The following JAKMIP3 variants were observed in gnomAD, a reference collection of about 807,000 sequenced individuals.
JAKMIP3 encodes Janus kinase and microtubule interacting protein 3, also known as janus kinase and microtubule-interacting protein 3.
In JAKMIP3, 58 loss-of-function variants were observed where a neutral mutation model predicts 118.5. The observed-to-expected ratio is 0.49, with a 90% confidence interval of 0.40 to 0.61. The LOEUF is 0.61. JAKMIP3 is among the 20% of genes least tolerant of loss of function. The pLI is 0.00. For synonymous variants in JAKMIP3, 486 were observed against 451.2 expected, an observed-to-expected ratio of 1.08 and a Z score of -0.98; for missense variants, 950 against 1,109.0, an observed-to-expected ratio of 0.86 and a Z score of 2.04.
In JAKMIP3 at chr10:132,135,927, C is replaced by T; in HGVS notation, c.970-3C>T. The stretch of plus-strand genomic sequence containing the variant: ...AACAATCACATAGTGCGTTGTCTTT[C>T]AGTTGAAGCGCGTAAGAGAAGCTGA... On this transcript the variant is annotated splice_polypyrimidine_tract_variant and splice_region_variant and intron_variant, in intron 5 of 23. Transcript: ENST00000684848. 1 of 1,610,570 alleles carries T rather than the reference C, an allele frequency of 6.2e-7. No individual in the cohort carries two copies. Among genetic ancestry groups the T allele is most frequent in the Non-Finnish European group, 8.5e-7 (1 of 1,178,756 alleles).
chr10:132,069,253 G>A (rs2039430805), intron 1 of JAKMIP3, among the ~76,000 whole-genome samples: 1 of 152,136 alleles, frequency 6.6e-6, no homozygotes, highest in Non-Finnish European at 1.5e-5. Flanking sequence ...ACCCAGCCAG[G>A]GGTGGGAGGC....
At chr10:132,157,103 C>T (rs2136295372) in intron 19 of JAKMIP3, among the ~76,000 whole-genome samples, 1 of 152,254 alleles carries the variant, frequency 6.6e-6, no homozygotes, top group South Asian at 2.1e-4. Context: ...GTCATCATGC[C>T]AATGGTAGGA....
In JAKMIP3 at chr10:132,131,741, G is replaced by A. The variant is rs115070692; in HGVS notation, c.634-1571G>A. On this transcript the variant is annotated intron_variant, in intron 3 of 23. Coordinates refer to ENST00000684848, the MANE Select transcript of JAKMIP3 (RefSeq NM_001323087.2). ...CAGGACGCCTGTTTCAGCTTTGAAC[G>A]TCCCGTGTCCTGGGAGCCCTCTCAG... is the stretch of plus-strand genomic sequence containing the variant. Among the ~76,000 whole-genome samples the A allele has an allele frequency of 2.1e-3, 326 of 152,132 alleles. 1 individual carries two copies. The highest frequency in any genetic ancestry group is 7.6e-3 in the African/African-American group (314 of 41,482).
At chr10:132,110,968 C>T (rs1429499722) in intron 2 of JAKMIP3, among the ~76,000 whole-genome samples, 2 of 152,366 alleles carry the variant, frequency 1.3e-5, no homozygotes, top group East Asian at 1.9e-4. Context: ...GGTCTGGGCA[C>T]AGCAGGGCCC....
intron 1 of JAKMIP3, among the ~76,000 whole-genome samples, chr10:132,050,484 G>A (rs2038067058): frequency 6.6e-6 from 1 of 152,146 alleles, no homozygotes; most frequent in Non-Finnish European, 1.5e-5. Flanking sequence ...GAGGATGTGG[G>A]GCCTGGATTT....
At chr10:132,144,137 A>T (rs2054127322) in intron 11 of JAKMIP3, 1 of 143,470 alleles carries the variant, frequency 7.0e-6, no homozygotes. Flanking sequence ...AGCAGGAGCC[A>T]CTGTGGCCCC....
intron 3 of JAKMIP3, among the ~76,000 whole-genome samples, chr10:132,132,229 T>A (rs1015024334): frequency 6.6e-6 from 1 of 152,246 alleles, no homozygotes; most frequent in Non-Finnish European, 1.5e-5. Context: ...AATAGCAGAT[T>A]TATTAGCTTG....
chr10:132,061,220 CACACATACACCT>C (rs1564855336), upstream of JAKMIP3, among the ~76,000 whole-genome samples: 130 of 37,370 alleles, frequency 3.5e-3, no homozygotes, highest in East Asian at 0.09. Context: ...CGTGACGGCG[CACACATACACCT>C]GCCGTGACGG....
intron 23 of JAKMIP3, among the ~76,000 whole-genome samples, chr10:132,174,930 C>T (rs942215011): frequency 2.0e-5 from 3 of 152,228 alleles, no homozygotes; most frequent in South Asian, 4.2e-4. Flanking sequence ...CTGTTCAGAT[C>T]ATTTGCCCAT....
At chr10:132,098,139 G>A (rs1023559589) in intron 1 of JAKMIP3, among the ~76,000 whole-genome samples, 5 of 151,126 alleles carry the variant, frequency 3.3e-5, no homozygotes, top group African/African-American at 4.9e-5. Context: ...AGCCCCAAGC[G>A]ATCCTCCCGC....
chr10:132,039,351 C>G (rs1313633243), intron 1 of JAKMIP3, among the ~76,000 whole-genome samples: 1 of 151,860 alleles, frequency 6.6e-6, no homozygotes, highest in Admixed American at 6.6e-5. Flanking sequence ...GGATCCCACA[C>G]CAGGCCCCCG....
rs1590054654 is a variant in JAKMIP3 at position 132,179,741 on chromosome 10, T to C, written c.*1104-2616T>C. On this transcript the variant is annotated intron_variant, in intron 23 of 23. Coordinates refer to ENST00000684848, the MANE Select transcript of JAKMIP3 (RefSeq NM_001323087.2). The surrounding 1 kb of genome is among the most constrained non-coding windows in gnomAD (Gnocchi z 4.3). ...ACGGCAGGGTCGCACCACAGCAGGGTCACGCCACGGCAGGGTCACACCACA... is the reference window on the plus strand; with the variant it reads ...ACGGCAGGGTCGCACCACAGCAGGGCCACGCCACGGCAGGGTCACACCACA... 6.6e-6 allele frequency among the ~76,000 whole-genome samples: 1 copy of C among 151,278 alleles called. No individual in the cohort carries two copies. Among genetic ancestry groups the C allele is most frequent in the South Asian group, 2.1e-4 (1 of 4,778 alleles).
intron 19 of JAKMIP3, among the ~76,000 whole-genome samples, chr10:132,154,737 G>T (rs1045977475): frequency 1.3e-5 from 2 of 151,908 alleles, no homozygotes; most frequent in African/African-American, 4.8e-5. Context: ...CTCATTCCTG[G>T]GGCCAAGTTC....
chr10:132,066,670 T>C (rs577014157), intron 1 of JAKMIP3, among the ~76,000 whole-genome samples: 2 of 152,252 alleles, frequency 1.3e-5, no homozygotes, highest in East Asian at 3.8e-4. Flanking sequence ...CTCATTGATA[T>C]AACTTCTTAT....
intron 1 of JAKMIP3, among the ~76,000 whole-genome samples, chr10:132,036,906 T>TCCTTGCCTCTCCCGGCGGTCCC (rs2037521626): frequency 6.6e-6 from 1 of 151,910 alleles, no homozygotes; most frequent in African/African-American, 2.4e-5. Context: ...GGCGGGGTCC[T>TCCTTGCCTCTCCCGGCGGTCCC]CCTTGCCTCT....
chr10:132,121,596 A>C (rs1381748720), intron 3 of JAKMIP3, among the ~76,000 whole-genome samples: 1 of 152,134 alleles, frequency 6.6e-6, no homozygotes, highest in Non-Finnish European at 1.5e-5. Flanking sequence ...TGCTCCCTCG[A>C]GAGCTGTCCC....
chr10:132,147,961 A>T lies in JAKMIP3; in HGVS notation c.1759A>T (p.Met587Leu). 1.2e-6 allele frequency: 2 copies of T among 1,604,954 alleles called. No homozygotes were observed. Among genetic ancestry groups the T allele is most frequent in the Non-Finnish European group, 1.7e-6 (2 of 1,175,186 alleles). ...ATCTTTTATGTTGCAGATCAAACAAATGGAGACGGAAGAGGCTCGGCTCAG... is the reference window on the plus strand; with the variant it reads ...ATCTTTTATGTTGCAGATCAAACAATTGGAGACGGAAGAGGCTCGGCTCAG... Reference protein sequence around the residue: ...NQELVEKIKQMETEEARLRHE... With the variant: ...NQELVEKIKQLETEEARLRHE... Residue 587 changes from methionine (M) to leucine (L), a missense_variant, in exon 14 of 24, where the codon ATG becomes TTG. By Grantham distance (15) the Met-to-Leu change is conservative (BLOSUM62 2). Transcript: ENST00000684848.
chr10:132,155,758 T>C (rs928588308), intron 19 of JAKMIP3, among the ~76,000 whole-genome samples: 5 of 152,158 alleles, frequency 3.3e-5, no homozygotes, highest in African/African-American at 1.2e-4. Flanking sequence ...TGACCAGCAG[T>C]GTGCACATGA....
At chr10:132,157,501 G>A (rs1489086232) in intron 19 of JAKMIP3, among the ~76,000 whole-genome samples, 1 of 152,118 alleles carries the variant, frequency 6.6e-6, no homozygotes, top group Admixed American at 6.5e-5. Flanking sequence ...AAGTTATTTG[G>A]AATGACCAAA....
Sources: allele counts gnomAD v4.1 joint callset (sites outside exome capture counted in the v4.1 genomes callset), GRCh38; gene constraint gnomAD v4.1.1; non-coding constraint Gnocchi (gnomAD v3.1); transcripts MANE v1.5; gene names NCBI Gene and HGNC (gene_info 2026-07-23, HGNC 2026-07-21).